Variants in PTPRD observed in about 807,000 individuals in gnomAD.
PTPRD encodes receptor-type tyrosine-protein phosphatase delta.
A neutral mutation model predicts 214.5 loss-of-function variants in PTPRD; 34 were observed. The observed-to-expected ratio is 0.16, with a 90% CI of 0.12 to 0.21. PTPRD has a LOEUF of 0.21. Ranked by LOEUF, PTPRD falls within the 10% of genes least tolerant of loss-of-function variation. The pLI is 1.00. For missense variants in PTPRD, 2,545 were observed against 2,398.7 expected (o/e 1.06, Z -1.27); for synonymous variants, 1,128 against 845.7 (o/e 1.33, Z -5.79).
rs2099355793 is a variant in PTPRD, at chr9:8,988,913, G to A, written c.-104+29784C>T. On this transcript the variant is annotated intron_variant, in intron 11 of 45. Transcript: ENST00000381196. ...CATTCAGAAGAAAATTGGCATGAAT[G>A]AATGTAAATTGACGCATTCAGAATT... Among the ~76,000 whole-genome samples, 4 of 152,070 alleles carry A rather than the reference G, an allele frequency of 2.6e-5. No individual in the cohort carries two copies. The South Asian group carries it at 6.2e-4, about 24-fold the overall frequency.
chr9:8,996,318 C>A (rs979210103), intron 11 of PTPRD, among the ~76,000 whole-genome samples: 1 of 152,040 alleles, frequency 6.6e-6, no homozygotes, highest in Non-Finnish European at 1.5e-5. Context: ...CTGATACACA[C>A]AACAACATGG....
chr9:8,825,858 G>C (rs2097164993), intron 11 of PTPRD, among the ~76,000 whole-genome samples: 1 of 152,194 alleles, frequency 6.6e-6, no homozygotes, highest in South Asian at 2.1e-4. Flanking sequence ...CAGTGAGAGT[G>C]TAGCAGCAAG....
intron 2 of PTPRD, among the ~76,000 whole-genome samples, chr9:10,357,945 A>C (rs7867676): frequency 0.25 from 37,791 of 152,070 alleles, 4,857 homozygotes; most frequent in African/African-American, 0.31. Context: ...TCCAAGCTAA[A>C]GCAATATTGA....
intron 5 of PTPRD, among the ~76,000 whole-genome samples, chr9:9,772,097 G>C (rs1565146185): frequency 1.3e-5 from 2 of 151,976 alleles, no homozygotes; most frequent in Non-Finnish European, 2.9e-5. Context: ...ATATTTTAAA[G>C]GGTCATTAAG....
chr9:10,121,678 C>T (rs1350802804), intron 3 of PTPRD, among the ~76,000 whole-genome samples: 1 of 152,138 alleles, frequency 6.6e-6, no homozygotes, highest in Non-Finnish European at 1.5e-5. Flanking sequence ...CTATCTCATA[C>T]AATAGTTCAA....
In PTPRD at chr9:10,183,185, A is replaced by C. The variant is rs773570943; in HGVS notation, c.-544-149395T>G. On this transcript the variant is annotated intron_variant, in intron 3 of 45. Transcript: ENST00000381196. ...AAGGAAGTGTTTGCCATTTTTTTAAAGAAACAATACACATTTTATCATCCA... is the reference window on the plus strand; with the variant it reads ...AAGGAAGTGTTTGCCATTTTTTTAACGAAACAATACACATTTTATCATCCA... Among the ~76,000 whole-genome samples, 175 of 152,140 alleles carry C rather than the reference A, an allele frequency of 1.2e-3. 3 individuals are homozygous for C. Among genetic ancestry groups the C allele is most frequent in the Non-Finnish European group, 3.2e-4 (22 of 67,998 alleles).
chr9:10,390,700 G>T (rs2098043095), intron 2 of PTPRD, among the ~76,000 whole-genome samples: 1 of 151,554 alleles, frequency 6.6e-6, no homozygotes, highest in Non-Finnish European at 1.5e-5. Flanking sequence ...CAAGAAAGGG[G>T]CTCTCTGAGA....
At chr9:8,885,547 A>C (rs1242130574) in intron 11 of PTPRD, among the ~76,000 whole-genome samples, 1 of 120,818 alleles carries the variant, frequency 8.3e-6, no homozygotes, top group Non-Finnish European at 1.6e-5. Flanking sequence ...CCCAGGCTGG[A>C]GTGCAATGGT....
chr9:8,379,944 C>A (rs1279792189), intron 37 of PTPRD, among the ~76,000 whole-genome samples: 1 of 152,068 alleles, frequency 6.6e-6, no homozygotes, highest in Non-Finnish European at 1.5e-5. Context: ...GAAATGGGAA[C>A]AGTGTCTCCA....
At chr9:9,124,315 TCTAA>T (rs2099821179) in intron 10 of PTPRD, among the ~76,000 whole-genome samples, 1 of 152,202 alleles carries the variant, frequency 6.6e-6, no homozygotes, top group African/African-American at 2.4e-5. Context: ...TAAGATTCTT[TCTAA>T]CTATCTATCT....
At chr9:9,001,998 G>T (rs1335953526) in intron 11 of PTPRD, among the ~76,000 whole-genome samples, 2 of 130,316 alleles carry the variant, frequency 1.5e-5, no homozygotes, top group East Asian at 2.2e-4. Context: ...TGTTTGGGGG[G>T]TTGGTGTCGG....
intron 14 of PTPRD, among the ~76,000 whole-genome samples, chr9:8,581,913 CA>C (rs36007156): frequency 1.5e-3 from 52 of 34,954 alleles, no homozygotes; most frequent in South Asian, 0.012. Context: ...ACTCAATCTC[CA>C]AAAAAAAAAA....
chr9:8,687,024 A>G (rs2097694308), intron 12 of PTPRD, among the ~76,000 whole-genome samples: 1 of 152,224 alleles, frequency 6.6e-6, no homozygotes, highest in Admixed American at 6.5e-5. Flanking sequence ...TCATGATTGA[A>G]AGAAAAATCA....
intron 39 of PTPRD, among the ~76,000 whole-genome samples, chr9:8,375,229 G>A (rs1201903828): frequency 1.3e-5 from 2 of 151,948 alleles, no homozygotes; most frequent in Non-Finnish European, 2.9e-5. Context: ...ACAACTGGAA[G>A]AAATCAGCTT....
chr9:8,486,910 G>A (rs1487745895), intron 27 of PTPRD, among the ~76,000 whole-genome samples: 1 of 152,078 alleles, frequency 6.6e-6, no homozygotes, highest in African/African-American at 2.4e-5. Context: ...CATGTAACAA[G>A]TGAGAAATCT....
chr9:10,153,874 G>C (rs2099077402), intron 3 of PTPRD, among the ~76,000 whole-genome samples: 1 of 151,874 alleles, frequency 6.6e-6, no homozygotes, highest in Admixed American at 6.6e-5. Flanking sequence ...ATTTTTTTTA[G>C]CCAGTCTACC....
intron 5 of PTPRD, among the ~76,000 whole-genome samples, chr9:9,835,289 T>C (rs1453845090): frequency 6.6e-6 from 1 of 152,092 alleles, no homozygotes; most frequent in Non-Finnish European, 1.5e-5. Context: ...ATACAACCCC[T>C]GAGACTTTTT....
At chr9:9,989,048 A>C (rs2095822638) in intron 4 of PTPRD, among the ~76,000 whole-genome samples, 7 of 138,468 alleles carry the variant, frequency 5.1e-5, no homozygotes, top group East Asian at 2.1e-4. Context: ...AAAAAAAACC[A>C]CAGACTTTAC....
At chr9:9,549,486 C>T (rs2079653335) in intron 8 of PTPRD, among the ~76,000 whole-genome samples, 1 of 152,068 alleles carries the variant, frequency 6.6e-6, no homozygotes, top group Non-Finnish European at 1.5e-5. Context: ...GCCGCCACAT[C>T]TCTACCAAAA....
Sources: allele counts gnomAD v4.1 joint callset (sites outside exome capture counted in the v4.1 genomes callset), GRCh38; gene constraint gnomAD v4.1.1; transcripts MANE v1.5; gene names NCBI Gene and HGNC (gene_info 2026-07-23, HGNC 2026-07-21).